ARMH3: variants seen among roughly 807,000 people sequenced by gnomAD.
The protein encoded by ARMH3 is armadillo-like helical domain-containing protein 3.
A neutral mutation model predicts 99.1 loss-of-function variants in ARMH3; 60 were observed. The ratio of observed to expected loss-of-function variants is 0.61; its 90% confidence interval spans 0.49 to 0.75. The LOEUF is 0.75. Ranked by LOEUF, ARMH3 falls within the 30% of genes least tolerant of loss-of-function variation. The pLI, the probability that ARMH3 is intolerant of heterozygous loss-of-function variation, is 0.00. For missense variants in ARMH3, 679 were observed against 843.1 expected, an observed-to-expected ratio of 0.81 and a Z score of 2.41; for synonymous variants, 285 against 292.8, an observed-to-expected ratio of 0.97 and a Z score of 0.27.
intron 11 of ARMH3, 118 bp from the exon 12 acceptor site, chr10:102,010,141 A>T: frequency 1.2e-6 from 1 of 853,328 alleles, no homozygotes; most frequent in South Asian, 1.6e-5. Context: ...GAGAACTTGG[A>T]ACTCTAGGCC....
In ARMH3 at chr10:101,983,108, G is replaced by T. The variant is rs577965702; in HGVS notation, c.1406+7443C>A. 2.0e-5 allele frequency among the ~76,000 whole-genome samples: 3 copies of T among 152,224 alleles called. No individual in the cohort carries two copies. The South Asian group carries it at 6.2e-4, about 32-fold the overall frequency. ...AGAATCTCCAAAGTGATGTCTGTTT[G>T]TATGTTGAGGTGACTGACGGCTGGC... On this transcript the variant is annotated intron_variant, in intron 19 of 25. Transcript: ENST00000370033.
intron 15 of ARMH3, among the ~76,000 whole-genome samples, chr10:102,001,391 A>G (rs2066358221): frequency 6.6e-6 from 1 of 152,184 alleles, no homozygotes; most frequent in African/African-American, 2.4e-5. Context: ...CACCAAGTAA[A>G]AGGCCATGGC....
At chr10:101,943,969 C>G (rs1844357585) in intron 22 of ARMH3, among the ~76,000 whole-genome samples, 1 of 149,478 alleles carries the variant, frequency 6.7e-6, no homozygotes, top group South Asian at 2.1e-4. Flanking sequence ...GAGGCTGAGG[C>G]AGGAGAATGG....
intron 16 of ARMH3, among the ~76,000 whole-genome samples, chr10:101,994,940 G>A (rs2136026763): frequency 6.6e-6 from 1 of 152,298 alleles, no homozygotes; most frequent in East Asian, 1.9e-4. Flanking sequence ...AGGGGCCGAG[G>A]CACGAGGATC....
At chr10:101,907,867 T>C (rs1224646474) in intron 23 of ARMH3, among the ~76,000 whole-genome samples, 1 of 152,146 alleles carries the variant, frequency 6.6e-6, no homozygotes, top group Non-Finnish European at 1.5e-5. Flanking sequence ...AGAAATCAAG[T>C]ATAGGAAAAT....
intron 23 of ARMH3, among the ~76,000 whole-genome samples, chr10:101,892,680 A>G (rs1455379047): frequency 6.6e-6 from 1 of 152,230 alleles, no homozygotes; most frequent in East Asian, 1.9e-4. Flanking sequence ...CAGCCATATA[A>G]GAAATATTTG....
chr10:101,870,915 G>C (rs1049220683), intron 24 of ARMH3, among the ~76,000 whole-genome samples: 1 of 151,956 alleles, frequency 6.6e-6, no homozygotes, highest in Non-Finnish European at 1.5e-5. Flanking sequence ...ACTCTAGCCT[G>C]GATGACAGAG....
intron 20 of ARMH3, among the ~76,000 whole-genome samples, chr10:101,961,205 A>C (rs1020748690): frequency 1.3e-5 from 2 of 152,068 alleles, no homozygotes; most frequent in African/African-American, 4.8e-5. Context: ...AGCACGAGCC[A>C]CCTCAGCAGG....
At position 102,002,017 on chromosome 10, in the gene ARMH3, C is replaced by G; in HGVS notation, c.1104G>C (p.Leu368=). Residue 368 remains leucine, a synonymous_variant, in exon 15 of 26, where the codon CTG becomes CTC. Transcript: ENST00000370033. Reference sequence around the variant, plus strand: ...TTGAGCTATACTTTAAAAAGGTTATCAGTAGATTACTGGTCTGTACATCTG... The same window carrying G: ...TTGAGCTATACTTTAAAAAGGTTATGAGTAGATTACTGGTCTGTACATCTG... ...LDADVQTSNL[L]ITFLKYSSIV... 1 of 1,614,200 alleles carries G rather than the reference C, an allele frequency of 6.2e-7. No individual in the cohort carries two copies. The highest frequency in any genetic ancestry group is 8.5e-7 in the Non-Finnish European group (1 of 1,180,034).
chr10:102,038,888 C>A lies in ARMH3; in HGVS notation c.102+1125G>T, dbSNP rs550310320. 3.9e-5 allele frequency among the ~76,000 whole-genome samples: 6 copies of A among 151,962 alleles called. No homozygotes were observed. The South Asian group carries it at 1.2e-3, about 32-fold the overall frequency. On this transcript the variant is annotated intron_variant, in intron 2 of 25. Coordinates refer to ENST00000370033, the MANE Select transcript of ARMH3 (RefSeq NM_024541.3). ...CCAAGTAGCTGGGACTACATGCACA[C>A]GCCACCACACCTGGATAATTTTTGT...
intron 9 of ARMH3, 54 bp downstream of exon 9, chr10:102,013,914 T>G: frequency 1.4e-6 from 2 of 1,409,936 alleles, no homozygotes; most frequent in Non-Finnish European, 2.0e-6. Flanking sequence ...TCACTGAAAG[T>G]AATACCATTG....
intron 1 of ARMH3, among the ~76,000 whole-genome samples, chr10:102,044,101 T>G (rs181540269): frequency 6.8e-6 from 1 of 147,168 alleles, no homozygotes; most frequent in Non-Finnish European, 1.5e-5. Flanking sequence ...CTTTTTTTTT[T>G]TTTTTTTTTG....
chr10:102,014,898 G>A (rs971924093), intron 8 of ARMH3, among the ~76,000 whole-genome samples: 8 of 152,144 alleles, frequency 5.3e-5, no homozygotes, highest in African/African-American at 1.9e-4. Context: ...TAATCCAAGA[G>A]AGGCAAGGAA....
intron 23 of ARMH3, among the ~76,000 whole-genome samples, chr10:101,938,770 G>A (rs1465810985): frequency 6.6e-6 from 1 of 152,190 alleles, no homozygotes; most frequent in Non-Finnish European, 1.5e-5. Flanking sequence ...GTGCAGATAT[G>A]CATTTATTTG....
chr10:101,995,542 A>G (rs1454701304), intron 15 of ARMH3, among the ~76,000 whole-genome samples, 187 bp from the exon 16 acceptor site: 1 of 152,202 alleles, frequency 6.6e-6, no homozygotes, highest in Non-Finnish European at 1.5e-5. Context: ...GAATTCCCCC[A>G]GAAGATTTAT....
rs55910048 is a variant in ARMH3, at chr10:101,986,877, C to G, written c.1406+3674G>C. 8.1e-3 allele frequency among the ~76,000 whole-genome samples: 1,241 copies of G among 152,306 alleles called. 22 individuals carry two copies. Among genetic ancestry groups the G allele is most frequent in the Admixed American group, 0.016 (246 of 15,288 alleles). On this transcript the variant is annotated intron_variant, in intron 19 of 25. Coordinates refer to ENST00000370033, the MANE Select transcript of ARMH3 (RefSeq NM_024541.3). ...GAGGGTGGGACCTTCTGCCCAGCCT[C>G]TGTCAACTTGATGCCTCGTTATCTT...
At chr10:101,982,092 C>T (rs1426793399) in intron 19 of ARMH3, among the ~76,000 whole-genome samples, 1 of 148,386 alleles carries the variant, frequency 6.7e-6, no homozygotes, top group Non-Finnish European at 1.5e-5. Flanking sequence ...ATTTTACAGG[C>T]CGGGTATAGC....
intron 23 of ARMH3, among the ~76,000 whole-genome samples, chr10:101,929,770 G>C (rs1449324929): frequency 1.3e-5 from 2 of 152,260 alleles, no homozygotes; most frequent in East Asian, 3.9e-4. Flanking sequence ...AGTAAAGAAG[G>C]ATCAGAGGAA....
At chr10:102,006,246 A>T (rs926438902) in intron 14 of ARMH3, among the ~76,000 whole-genome samples, 1 of 152,228 alleles carries the variant, frequency 6.6e-6, no homozygotes, top group Non-Finnish European at 1.5e-5. Flanking sequence ...GGACTCTGAG[A>T]GTGTGGCAGG....
Sources: allele counts gnomAD v4.1 joint callset (sites outside exome capture counted in the v4.1 genomes callset), GRCh38; gene constraint gnomAD v4.1.1; transcripts MANE v1.5; gene names NCBI Gene and HGNC (gene_info 2026-07-23, HGNC 2026-07-21).